The following DPRX variants were observed in gnomAD, a reference collection of about 807,000 sequenced individuals.
DPRX encodes the protein divergent-paired related homeobox.
In DPRX, 11 loss-of-function variants were observed where a neutral mutation model predicts 8.4. The observed-to-expected ratio is 1.31, with a 90% CI of 0.82 to 2.17. The LOEUF (loss-of-function observed/expected upper bound fraction) is 2.17, where lower values mean the gene tolerates loss of function less well. DPRX is among the 30% of genes most tolerant of loss of function. DPRX has a pLI of 0.00. For missense variants in DPRX, 211 were observed against 236.7 expected, an observed-to-expected ratio of 0.89 and a Z score of 0.71; for synonymous variants, 72 against 87.0, an observed-to-expected ratio of 0.83 and a Z score of 0.96.
chr19:53,603,021 A>G, the DPRX span, among the ~76,000 whole-genome samples: 24 of 144,452 alleles, frequency 1.7e-4, no homozygotes, highest in Admixed American at 3.5e-4. Flanking sequence ...GTGTGTGTAT[A>G]TATGTGTGTG....
At chr19:53,601,496 T>TC in the DPRX span, 2 of 367,672 alleles carry the variant, frequency 5.4e-6, no homozygotes, top group Admixed American at 6.8e-5. Context: ...TTTTTTTTTT[T>TC]TTTGAGACAG....
the DPRX span, among the ~76,000 whole-genome samples, chr19:53,626,402 A>G: frequency 2.0e-5 from 3 of 152,100 alleles, no homozygotes; most frequent in Admixed American, 6.6e-5. Context: ...CTCTACAAAA[A>G]AAGTTTTAAT....
the DPRX span, among the ~76,000 whole-genome samples, chr19:53,611,809 C>T: frequency 3.9e-5 from 6 of 152,156 alleles, no homozygotes; most frequent in Non-Finnish European, 7.4e-5. Flanking sequence ...ACTGGCTGGG[C>T]GCAGTGGCTC....
At chr19:53,626,459 G>A in the DPRX span, among the ~76,000 whole-genome samples, 1 of 152,138 alleles carries the variant, frequency 6.6e-6, no homozygotes, top group Admixed American at 6.6e-5. Context: ...ACCTACTGAG[G>A]AGGCTGATCG....
the DPRX span, among the ~76,000 whole-genome samples, chr19:53,607,372 A>G: frequency 6.6e-6 from 1 of 152,118 alleles, no homozygotes; most frequent in Non-Finnish European, 1.5e-5. Context: ...AGCCTGGGCA[A>G]CATGGCAAAA....
chr19:53,625,755 A>T, the DPRX span, among the ~76,000 whole-genome samples: 1 of 151,788 alleles, frequency 6.6e-6, no homozygotes, highest in African/African-American at 2.4e-5. Context: ...CTCCTGCCTC[A>T]GCCTCCCAGG....
the DPRX span, among the ~76,000 whole-genome samples, chr19:53,609,549 T>A: frequency 7.7e-6 from 1 of 130,360 alleles, no homozygotes; most frequent in African/African-American, 2.9e-5. Flanking sequence ...AATGGTACAG[T>A]ATAGAAAATC....
chr19:53,602,778 T>A, the DPRX span, among the ~76,000 whole-genome samples: 1 of 148,874 alleles, frequency 6.7e-6, no homozygotes, highest in Non-Finnish European at 1.5e-5. Flanking sequence ...TGTGATCCAC[T>A]CCCCCCCGGC....
rs73590944 is a variant in DPRX, at chr19:53,635,360, T to G, written c.183+675T>G. Among the ~76,000 whole-genome samples, 1,284 of 152,170 alleles carry G rather than the reference T, an allele frequency of 8.4e-3. 19 individuals carry two copies. Among genetic ancestry groups the G allele is most frequent in the African/African-American group, 0.028 (1,183 of 41,528 alleles). On this transcript the variant is annotated intron_variant, in intron 2 of 2. Transcript: ENST00000376650. ...CAAAATAGTGTTGTTTTGTTTTGTT[T>G]TAAGACAGGGTGTTGCTCTTGCCCA...
rs533081099 is a variant in DPRX, at chr19:53,636,251, C to T, written c.184-345C>T. 3.3e-5 allele frequency among the ~76,000 whole-genome samples: 5 copies of T among 151,732 alleles called. No individual in the cohort carries two copies. In the South Asian group the frequency reaches 1.0e-3, roughly 32 times the overall value. On this transcript the variant is annotated intron_variant, in intron 2 of 2. Coordinates refer to ENST00000376650, the Ensembl canonical transcript of DPRX. ...CATAGTGGTGTGAGCCTGTAGTCCCCGCTACTCAGGAGGCTGAGGCAGAAG... is the reference window on the plus strand; with the variant it reads ...CATAGTGGTGTGAGCCTGTAGTCCCTGCTACTCAGGAGGCTGAGGCAGAAG...
At chr19:53,609,914 G>A in the DPRX span, among the ~76,000 whole-genome samples, 14 of 152,042 alleles carry the variant, frequency 9.2e-5, no homozygotes, top group Non-Finnish European at 1.9e-4. Context: ...GAACCCGGGA[G>A]GTGGAGGTTG....
At chr19:53,608,953 CAAAAAAAAAA>C in the DPRX span, among the ~76,000 whole-genome samples, 9 of 76,922 alleles carry the variant, frequency 1.2e-4, no homozygotes, top group Non-Finnish European at 1.4e-4. Context: ...GAGACTCCGT[CAAAAAAAAAA>C]AAAAAAAAAA....
At chr19:53,624,319 C>T in the DPRX span, among the ~76,000 whole-genome samples, 2 of 133,510 alleles carry the variant, frequency 1.5e-5, no homozygotes, top group African/African-American at 5.4e-5. Context: ...AAACTCCTGA[C>T]CTCAGGTGAT....
Position 53,634,698 on chromosome 19 carries a change from T to C in DPRX, c.183+13T>C, listed in dbSNP as rs1555780137. The C allele has an allele frequency of 6.2e-7, 1 of 1,607,134 alleles. No individual in the cohort carries two copies. The highest frequency in any genetic ancestry group is 1.7e-5 in the Admixed American group (1 of 58,266). Reference sequence around the variant, plus strand: ...AACAGTACTGCAGGTTGGAAAATGATCCCTCTTCTCACTAAACTGCCTTCC... The same window carrying C: ...AACAGTACTGCAGGTTGGAAAATGACCCCTCTTCTCACTAAACTGCCTTCC... On this transcript the variant is annotated intron_variant, in intron 2 of 2. Transcript: ENST00000376650.
chr19:53,624,219 C>T, the DPRX span, among the ~76,000 whole-genome samples: 13 of 148,410 alleles, frequency 8.8e-5, no homozygotes, highest in African/African-American at 3.2e-4. Flanking sequence ...TCCTGAGTAG[C>T]TGGGATCACA....
At chr19:53,635,497 C>T (rs764961972) in intron 2 of DPRX, among the ~76,000 whole-genome samples, 33 of 152,096 alleles carry the variant, frequency 2.2e-4, no homozygotes, top group Non-Finnish European at 4.0e-4. Context: ...TGTGGTACTA[C>T]AGCCTCCCGA....
the DPRX span, among the ~76,000 whole-genome samples, chr19:53,621,838 AG>A: frequency 2.0e-5 from 3 of 152,148 alleles, no homozygotes; most frequent in Non-Finnish European, 2.9e-5. Flanking sequence ...GCACATTCTT[AG>A]GCACGCATTT....
At chr19:53,624,841 A>G in the DPRX span, among the ~76,000 whole-genome samples, 12 of 142,352 alleles carry the variant, frequency 8.4e-5, no homozygotes, top group South Asian at 4.3e-4. Context: ...AAAAAAAAAA[A>G]AAAGAAAGAA....
the DPRX span, chr19:53,601,235 A>G: frequency 2.4e-5 from 11 of 455,860 alleles, no homozygotes; most frequent in East Asian, 7.0e-4. Context: ...GACACCCAAG[A>G]GGCCTCTTTT....
Sources: allele counts gnomAD v4.1 joint callset (sites outside exome capture counted in the v4.1 genomes callset), GRCh38; gene constraint gnomAD v4.1.1; transcripts MANE v1.5; gene names NCBI Gene and HGNC (gene_info 2026-07-23, HGNC 2026-07-21).